SCX: variants seen among roughly 807,000 people sequenced by gnomAD.
SCX encodes scleraxis bHLH transcription factor, also known as basic helix-loop-helix transcription factor scleraxis.
Under a neutral mutation model 12.2 loss-of-function variants are expected in SCX, and 7 were observed. The observed-to-expected ratio is 0.57, with a 90% CI of 0.33 to 1.08. SCX has a LOEUF of 1.08. Among genes scored for constraint, SCX ranks in the 50% least tolerant of loss-of-function variants. SCX has a pLI of 0.04. For synonymous variants in SCX, 193 were observed against 163.9 expected, an observed-to-expected ratio of 1.18 and a Z score of -1.36; for missense variants, 342 against 337.2, an observed-to-expected ratio of 1.01 and a Z score of -0.11.
chr8:144,266,500 G>C lies in SCX; in HGVS notation c.-114G>C, dbSNP rs1194543010. On this transcript the variant is annotated 5_prime_UTR_variant, in exon 1 of 2. Coordinates refer to ENST00000567180, the MANE Select transcript of SCX (RefSeq NM_001080514.3). ...GCGACGCCCGGCAGCTGCCACCGCG[G>C]GGCGCAGCCGAGACCCCGCGCCTCG... The C allele has an allele frequency of 4.9e-5, 48 of 987,302 alleles. No homozygotes were observed. The highest frequency in any genetic ancestry group is 5.6e-5 in the Non-Finnish European group (47 of 832,230). 61.2% of individuals were successfully genotyped at this position (987,302 alleles called of 1,614,324 possible). A position where few individuals can be genotyped will look rare whatever the true frequency, so the allele number is the denominator to read the frequency against.
rs1223006885 is a variant in SCX, at chr8:144,267,090, GCCGCCGCCC to G, written c.486_494del (p.Pro164_Pro166del). 5.3e-5 allele frequency: 72 copies of G among 1,370,016 alleles called. 1 individual carries two copies. The highest frequency in any genetic ancestry group is 6.2e-5 in the African/African-American group (4 of 64,934). 84.9% of individuals were successfully genotyped at this position (1,370,016 alleles called of 1,614,324 possible). A position where few individuals can be genotyped will look rare whatever the true frequency, so the allele number is the denominator to read the frequency against. Reference sequence around the variant, plus strand: ...ACGCGGCGCGCGCCGGCAGCCCCCCGCCGCCGCCCCCGCCGCCTCCCGCCCGCGACGGCG... The same window carrying G: ...ACGCGGCGCGCGCCGGCAGCCCCCCGCCGCCGCCTCCCGCCCGCGACGGCG... On this transcript the variant is annotated inframe_deletion, in exon 1 of 2. Coordinates refer to ENST00000567180, the MANE Select transcript of SCX (RefSeq NM_001080514.3).
chr8:144,267,937 G>A (rs1172928473), intron 1 of SCX, among the ~76,000 whole-genome samples, 167 bp from the exon 2 acceptor site: 1 of 152,232 alleles, frequency 6.6e-6, no homozygotes, highest in Non-Finnish European at 1.5e-5. Flanking sequence ...TTTCGGCTGT[G>A]CAGCAGTATG....
chr8:144,268,288 C>T lies in SCX; in HGVS notation c.*146C>T, dbSNP rs912598894. On this transcript the variant is annotated 3_prime_UTR_variant, in exon 2 of 2. Transcript: ENST00000567180. Reference sequence around the variant, plus strand: ...GGCCAGCCCTGGCTGCGAGCGGGGCCGAGGGACAGACGGACGTACAGACAG... The same window carrying T: ...GGCCAGCCCTGGCTGCGAGCGGGGCTGAGGGACAGACGGACGTACAGACAG... The T allele has an allele frequency of 3.0e-5, 36 of 1,220,180 alleles. No individual in the cohort carries two copies. The highest frequency in any genetic ancestry group is 1.8e-4 in the East Asian group (7 of 39,054). The allele number at this position is 1,220,180 out of a possible 1,614,324, so 75.6% of individuals were successfully genotyped here. A position where few individuals can be genotyped will look rare whatever the true frequency, so the allele number is the denominator to read the frequency against.
At position 144,268,160 on chromosome 8, in the gene SCX, CCAGGAGG is replaced by C; in HGVS notation, c.*22_*28del. On this transcript the variant is annotated 3_prime_UTR_variant, in exon 2 of 2. Coordinates refer to ENST00000567180, the MANE Select transcript of SCX (RefSeq NM_001080514.3). ...GCAGTTAGGAGGTGGCCGGCAGCAG[CCAGGAGG>C]CAGACGCTGCTGGGGGAGGTGGACG... 1.3e-6 allele frequency: 2 copies of C among 1,550,472 alleles called. No individual in the cohort carries two copies. The highest frequency in any genetic ancestry group is 1.7e-6 in the Non-Finnish European group (2 of 1,146,954).
chr8:144,268,140 T>C lies in SCX; in HGVS notation c.604T>C (p.Ter202GlnextTer20). 1 of 1,551,402 alleles carries C rather than the reference T, an allele frequency of 6.4e-7. No individual in the cohort carries two copies. The highest frequency in any genetic ancestry group is 2.4e-5 in the East Asian group (1 of 41,056). ...CGACAGAAAGACAGCGATTCGCAGT[T>C]AGGAGGTGGCCGGCAGCAGCCAGGA... is the stretch of plus-strand genomic sequence containing the variant. ...DRDRKTAIRS[*>Q] Residue 202 changes from the stop codon to glutamine, a stop_lost, in exon 2 of 2, where the codon TAG becomes CAG. Transcript: ENST00000567180.
rs1845370394 is a variant in SCX at position 144,266,545 on chromosome 8, C to G, written c.-69C>G. 2 of 996,858 alleles carry G rather than the reference C, an allele frequency of 2.0e-6. No homozygotes were observed. Among genetic ancestry groups the G allele is most frequent in the Admixed American group, 6.1e-5 (1 of 16,320 alleles). The allele number at this position is 996,858 out of a possible 1,614,324, so 61.8% of individuals were successfully genotyped here. A position where few individuals can be genotyped will look rare whatever the true frequency, so the allele number is the denominator to read the frequency against. On this transcript the variant is annotated 5_prime_UTR_variant, in exon 1 of 2. Transcript: ENST00000567180. ...GCCTCGCCCCGGCCGGCCCGCGAGG[C>G]CCGCGGCGGCCGCAGGAGGCGGCAT...
rs1845376886 is a variant in SCX at position 144,266,719 on chromosome 8, G to C, written c.106G>C (p.Asp36His). 2 of 1,195,968 alleles carry C rather than the reference G, an allele frequency of 1.7e-6. No individual in the cohort carries two copies. Among genetic ancestry groups the C allele is most frequent in the East Asian group, 6.4e-5 (1 of 15,634 alleles). The allele number at this position is 1,195,968 out of a possible 1,614,324, so 74.1% of individuals were successfully genotyped here. Residue 36 changes from aspartate (D) to histidine (H), a missense_variant, in exon 1 of 2, where the codon GAC becomes CAC. Around this residue, in one of 3 missense-constraint regions of SCX, gnomAD observed 139 missense variants for 107.8 expected, o/e 1.29. Coordinates refer to ENST00000567180, the MANE Select transcript of SCX (RefSeq NM_001080514.3). ...EDRGSDSSGSDEKPCRVHAAR... is the reference protein window; with the variant it reads ...EDRGSDSSGSHEKPCRVHAAR... ...CCGCGGCAGCGACAGCTCGGGCTCC[G>C]ACGAGAAACCCTGTCGCGTGCACGC... is the stretch of plus-strand genomic sequence containing the variant.
rs1845423750 is a variant in SCX, at chr8:144,268,158, A to T, written c.*16A>T. 6.5e-7 allele frequency: 1 copy of T among 1,550,380 alleles called. No homozygotes were observed. Among genetic ancestry groups the T allele is most frequent in the African/African-American group, 1.4e-5 (1 of 73,078 alleles). ...TCGCAGTTAGGAGGTGGCCGGCAGC[A>T]GCCAGGAGGCAGACGCTGCTGGGGG... is the stretch of plus-strand genomic sequence containing the variant. On this transcript the variant is annotated 3_prime_UTR_variant, in exon 2 of 2. Transcript: ENST00000567180.
At position 144,268,127 on chromosome 8, in the gene SCX, A is replaced by C; in HGVS notation, c.591A>C (p.Thr197=). 1 of 1,551,732 alleles carries C rather than the reference A, an allele frequency of 6.4e-7. No individual in the cohort carries two copies. The highest frequency in any genetic ancestry group is 2.0e-5 in the Admixed American group (1 of 51,208). ...RKLSKDRDRK[T]AIRS ...AGAGCAAGGACCGCGACAGAAAGAC[A>C]GCGATTCGCAGTTAGGAGGTGGCCG... The change falls in exon 2 of 2, where the codon ACA becomes ACC. Residue 197 remains threonine (T), a synonymous_variant. Coordinates refer to ENST00000567180, the MANE Select transcript of SCX (RefSeq NM_001080514.3).
In SCX at chr8:144,266,768, CCCGGCGGAGGGCGGGGGG is replaced by C. The variant is rs1845378355; in HGVS notation, c.163_180del (p.Arg55_Arg60del). On this transcript the variant is annotated inframe_deletion, in exon 1 of 2. Coordinates refer to ENST00000567180, the MANE Select transcript of SCX (RefSeq NM_001080514.3). Reference sequence around the variant, plus strand: ...GCGGCGCGCTGCGGCCTCCAGGGCGCCCGGCGGAGGGCGGGGGGCCGGCGGGCCGGGGGCGGGGGGCCA... The same window carrying C: ...GCGGCGCGCTGCGGCCTCCAGGGCGCCCGGCGGGCCGGGGGCGGGGGGCCA... 8 of 1,073,720 alleles carry C rather than the reference CCCGGCGGAGGGCGGGGGG, an allele frequency of 7.5e-6. No homozygotes were observed. Among genetic ancestry groups the C allele is most frequent in the African/African-American group, 3.4e-5 (2 of 58,474 alleles). 66.5% of individuals were successfully genotyped at this position (1,073,720 alleles called of 1,614,324 possible).
Position 144,266,969 on chromosome 8 carries a change from T to C in SCX, c.356T>C (p.Leu119Pro). The C allele has an allele frequency of 6.4e-7, 1 of 1,555,406 alleles. No individual in the cohort carries two copies. The highest frequency in any genetic ancestry group is 8.6e-7 in the Non-Finnish European group (1 of 1,156,944). ...RKLSKIETLRLASSYISHLGN... is the reference protein window; with the variant it reads ...RKLSKIETLRPASSYISHLGN... ...CTCTCCAAGATTGAGACGCTGCGCC[T>C]GGCCTCCAGCTACATCTCGCACCTG... The change falls in exon 1 of 2, where the codon CTG becomes CCG. Residue 119 changes from leucine (L) to proline (P), a missense_variant. By Grantham distance (98) the Leu-to-Pro change is moderately conservative. Around this residue, in one of 3 missense-constraint regions of SCX, gnomAD observed 161 missense variants for 155.7 expected, o/e 1.03. Coordinates refer to ENST00000567180, the MANE Select transcript of SCX (RefSeq NM_001080514.3).
intron 1 of SCX, among the ~76,000 whole-genome samples, chr8:144,267,408 C>A (rs1845400123): frequency 6.6e-6 from 1 of 152,160 alleles, no homozygotes; most frequent in African/African-American, 2.4e-5. Flanking sequence ...CTGCAGGGAG[C>A]TGCATGAGGG....
chr8:144,268,327 G>C lies in SCX; in HGVS notation c.*185G>C. Reference sequence around the variant, plus strand: ...ACGTACAGACAGGCGCCGGCAGCGGGACTCTGCGCTGGCCCCAGCACCTGC... The same window carrying C: ...ACGTACAGACAGGCGCCGGCAGCGGCACTCTGCGCTGGCCCCAGCACCTGC... On this transcript the variant is annotated 3_prime_UTR_variant, in exon 2 of 2. Coordinates refer to ENST00000567180, the MANE Select transcript of SCX (RefSeq NM_001080514.3). The C allele has an allele frequency of 1.2e-6, 1 of 808,474 alleles. No individual in the cohort carries two copies. The highest frequency in any genetic ancestry group is 1.8e-5 in the South Asian group (1 of 55,658). The allele number at this position is 808,474 out of a possible 1,614,324, so 50.1% of individuals were successfully genotyped here. A position where few individuals can be genotyped will look rare whatever the true frequency, so the allele number is the denominator to read the frequency against.
rs1588591599 is a variant in SCX, at chr8:144,267,119, A to C, written c.506A>C (p.Asp169Ala). 2.0e-6 allele frequency: 3 copies of C among 1,474,138 alleles called. No individual in the cohort carries two copies. Among genetic ancestry groups the C allele is most frequent in the African/African-American group, 2.9e-5 (2 of 68,332 alleles). The allele number at this position is 1,474,138 out of a possible 1,614,324, so 91.3% of individuals were successfully genotyped here. Residue 169 changes from aspartate (D) to alanine (A), a missense_variant, in exon 1 of 2, where the codon GAC becomes GCC. Physicochemically the swap from Asp to Ala is moderately radical, Grantham distance 126 (BLOSUM62 -2). Coordinates refer to ENST00000567180, the MANE Select transcript of SCX (RefSeq NM_001080514.3). ...PPPPPPPPAR[D>A]GENTQPKQIC... ...CCGCCCCCGCCGCCTCCCGCCCGCG[A>C]CGGCGAGAACACCCAGCCCAAACAG...
In SCX at chr8:144,267,132, C is replaced by T. The variant is rs1321564085; in HGVS notation, c.519C>T (p.Thr173=). 71 of 1,511,946 alleles carry T rather than the reference C, an allele frequency of 4.7e-5. No homozygotes were observed. Among genetic ancestry groups the T allele is most frequent in the Non-Finnish European group, 6.1e-5 (70 of 1,140,322 alleles). 93.7% of individuals were successfully genotyped at this position (1,511,946 alleles called of 1,614,324 possible). The stretch of plus-strand genomic sequence containing the variant: ...CTCCCGCCCGCGACGGCGAGAACAC[C>T]CAGCCCAAACAGATCTGCACCTTCT... ...PPPPARDGEN[T]QPKQICTFCL... Residue 173 remains threonine (T), a synonymous_variant, in exon 1 of 2, where the codon ACC becomes ACT. Coordinates refer to ENST00000567180, the MANE Select transcript of SCX (RefSeq NM_001080514.3).
At position 144,268,280 on chromosome 8, in the gene SCX, A is replaced by T. The variant is rs1845427416; in HGVS notation, c.*138A>T. ...TGCCCCCAGGCCAGCCCTGGCTGCG[A>T]GCGGGGCCGAGGGACAGACGGACGT... On this transcript the variant is annotated 3_prime_UTR_variant, in exon 2 of 2. Coordinates refer to ENST00000567180, the MANE Select transcript of SCX (RefSeq NM_001080514.3). 7.8e-7 allele frequency: 1 copy of T among 1,289,988 alleles called. No individual in the cohort carries two copies. The highest frequency in any genetic ancestry group is 2.5e-5 in the East Asian group (1 of 39,402). 79.9% of individuals were successfully genotyped at this position (1,289,988 alleles called of 1,614,324 possible).
In SCX at chr8:144,266,895, C is replaced by CT; in HGVS notation, c.284dup (p.Thr96HisfsTer20). On this transcript the variant is annotated frameshift_variant, in exon 1 of 2. Coordinates refer to ENST00000567180, the MANE Select transcript of SCX (RefSeq NM_001080514.3). LOFTEE classifies it high-confidence loss of function. ...ACCGCACCAACAGCGTGAACACGGC[C>CT]TTCACGGCGCTGCGCACGCTGATCC... The CT allele has an allele frequency of 6.6e-7, 1 of 1,525,010 alleles. No homozygotes were observed. The highest frequency in any genetic ancestry group is 8.8e-7 in the Non-Finnish European group (1 of 1,141,252). 94.5% of individuals were successfully genotyped at this position (1,525,010 alleles called of 1,614,324 possible).
At chr8:144,267,884 C>G (rs991293628) in intron 1 of SCX, among the ~76,000 whole-genome samples, 1 of 152,228 alleles carries the variant, frequency 6.6e-6, no homozygotes, top group Non-Finnish European at 1.5e-5. Context: ...ACAGCACGCG[C>G]GAGCTCCTGG....
In SCX at chr8:144,266,905, C is replaced by T. The variant is rs1845383410; in HGVS notation, c.292C>T (p.Leu98=). Residue 98 remains leucine (L), a synonymous_variant, in exon 1 of 2, where the codon CTG becomes TTG. Transcript: ENST00000567180. ...CAGCGTGAACACGGCCTTCACGGCG[C>T]TGCGCACGCTGATCCCCACCGAGCC... is the stretch of plus-strand genomic sequence containing the variant. ...TNSVNTAFTA[L]RTLIPTEPAD... is the part of the protein sequence containing the mutation. The T allele has an allele frequency of 4.5e-6, 7 of 1,540,484 alleles. No individual in the cohort carries two copies. Among genetic ancestry groups the T allele is most frequent in the South Asian group, 3.4e-5 (3 of 86,994 alleles).
Sources: gnomAD v4.1 joint callset for allele counts (sites outside exome capture counted in the v4.1 genomes callset) on GRCh38, gnomAD v4.1.1 for gene constraint, gnomAD v4.1.1 regional missense constraint, MANE v1.5 for transcripts, NCBI Gene and HGNC (gene_info 2026-07-23, HGNC 2026-07-21) for gene names.